Variants in SORCS1 observed in about 807,000 individuals in gnomAD.
SORCS1 encodes the protein sortilin related VPS10 domain containing receptor 1, also known as VPS10 domain-containing receptor SorCS1.
In SORCS1, 60 loss-of-function variants were observed where a neutral mutation model predicts 146.1. The observed-to-expected ratio is 0.41, with a 90% CI of 0.33 to 0.51. The LOEUF is 0.51. Among genes scored for constraint, SORCS1 ranks in the 20% least tolerant of loss-of-function variants. SORCS1 has a pLI of 0.21. For missense variants in SORCS1, 1,352 were observed against 1,487.6 expected, an observed-to-expected ratio of 0.91 and a Z score of 1.50; for synonymous variants, 637 against 584.0, an observed-to-expected ratio of 1.09 and a Z score of -1.31.
At chr10:107,032,979 G>T (rs531973218) in intron 1 of SORCS1, among the ~76,000 whole-genome samples, 1 of 152,082 alleles carries the variant, frequency 6.6e-6, no homozygotes, top group Middle Eastern at 3.4e-3. Context: ...TTTAAAGGAC[G>T]GCATATGTAT....
chr10:106,612,139 C>T, intron 21 of SORCS1, 116 bp from the exon 22 acceptor site: 1 of 718,970 alleles, frequency 1.4e-6, no homozygotes, highest in South Asian at 2.0e-5. Flanking sequence ...ACCATAGGGA[C>T]CTTTTTAGAA....
At chr10:106,774,337 C>A (rs191878569) in intron 4 of SORCS1, among the ~76,000 whole-genome samples, 28 of 152,170 alleles carry the variant, frequency 1.8e-4, no homozygotes, top group Non-Finnish European at 3.4e-4. Context: ...ATGCAAATTT[C>A]TGAAGGCTCC....
Position 106,968,045 on chromosome 10 carries a change from A to G in SORCS1, c.559-11465T>C, listed in dbSNP as rs1589814544. Reference sequence around the variant, plus strand: ...CGGTGAAACCCCGTCTCTACTAAAGAAAAAAAAAAAAAAAGTTAGCTGGGC... The same window carrying G: ...CGGTGAAACCCCGTCTCTACTAAAGGAAAAAAAAAAAAAAGTTAGCTGGGC... On this transcript the variant is annotated intron_variant, in intron 1 of 25. Transcript: ENST00000263054. Among the ~76,000 whole-genome samples, 3 of 122,856 alleles carry G rather than the reference A, an allele frequency of 2.4e-5. No homozygotes were observed. In the South Asian group the frequency reaches 6.8e-4, roughly 28 times the overall value. 80.6% of individuals were successfully genotyped at this position (122,856 alleles called of 152,430 possible). A position where few individuals can be genotyped will look rare whatever the true frequency, so the allele number is the denominator to read the frequency against.
At chr10:106,667,562 C>T (rs1851257947) in intron 17 of SORCS1, 127 bp downstream of exon 17, 1 of 616,728 alleles carries the variant, frequency 1.6e-6, no homozygotes, top group Non-Finnish European at 2.9e-6. Flanking sequence ...TTAAAATGAA[C>T]AAAAGCAATT....
At chr10:107,061,937 G>A (rs1234337894) in intron 1 of SORCS1, among the ~76,000 whole-genome samples, 1 of 152,108 alleles carries the variant, frequency 6.6e-6, no homozygotes, top group African/African-American at 2.4e-5. Flanking sequence ...CATATTGGTA[G>A]CTAACCTTTA....
intron 1 of SORCS1, among the ~76,000 whole-genome samples, chr10:106,979,549 G>T (rs902128403): frequency 6.6e-6 from 1 of 151,720 alleles, no homozygotes; most frequent in South Asian, 2.1e-4. Flanking sequence ...TGGAGTTTTT[G>T]CTTCTCTAAA....
At chr10:106,939,511 T>C (rs1359781216) in intron 2 of SORCS1, among the ~76,000 whole-genome samples, 1 of 152,192 alleles carries the variant, frequency 6.6e-6, no homozygotes, top group Admixed American at 6.5e-5. Context: ...CAGAAATAAA[T>C]ATACATTTCT....
chr10:107,106,062 AG>A (rs1965281616), intron 1 of SORCS1, among the ~76,000 whole-genome samples: 1 of 152,206 alleles, frequency 6.6e-6, no homozygotes, highest in South Asian at 2.1e-4. Context: ...GACCTCCCAG[AG>A]CTGATCAAAG....
intron 2 of SORCS1, among the ~76,000 whole-genome samples, chr10:106,934,495 G>A (rs564200732): frequency 3.7e-4 from 57 of 152,070 alleles, no homozygotes; most frequent in African/African-American, 1.1e-3. Flanking sequence ...TCCTGCCCTC[G>A]TGATCCACCC....
chr10:106,993,749 T>C (rs1956870153), intron 1 of SORCS1, among the ~76,000 whole-genome samples: 1 of 152,004 alleles, frequency 6.6e-6, no homozygotes, highest in Non-Finnish European at 1.5e-5. Context: ...TCCAAGGATG[T>C]AACATAAAGA....
At chr10:106,611,809 G>GTTTA in intron 22 of SORCS1, 102 bp downstream of exon 22, 1 of 573,686 alleles carries the variant, frequency 1.7e-6, no homozygotes, top group Non-Finnish European at 2.8e-6. Context: ...CTTCCTGCTG[G>GTTTA]GTTAGTTTGT....
At chr10:107,106,891 G>C (rs1965348638) in intron 1 of SORCS1, among the ~76,000 whole-genome samples, 1 of 152,158 alleles carries the variant, frequency 6.6e-6, no homozygotes, top group East Asian at 1.9e-4. Context: ...AGGATACAAA[G>C]AGAAAATGGC....
intron 22 of SORCS1, among the ~76,000 whole-genome samples, chr10:106,607,700 TCCAAGGTGGTGACCATG>T (rs1304353837): frequency 6.6e-6 from 1 of 152,168 alleles, no homozygotes; most frequent in Non-Finnish European, 1.5e-5. Flanking sequence ...AGAGAGCATC[TCCAAGGTGGTGACCATG>T]CCAGTGAGAA....
intron 3 of SORCS1, among the ~76,000 whole-genome samples, chr10:106,817,156 C>T (rs1268886618): frequency 6.6e-6 from 1 of 152,210 alleles, no homozygotes; most frequent in Non-Finnish European, 1.5e-5. Context: ...TACATGCCTT[C>T]CTATAAGATC....
chr10:106,946,169 G>C (rs575426580), intron 2 of SORCS1, among the ~76,000 whole-genome samples: 2 of 152,138 alleles, frequency 1.3e-5, no homozygotes, highest in South Asian at 2.1e-4. Context: ...GTATGACATA[G>C]GCCTGGCTTT....
At chr10:106,721,673 G>A (rs1377704067) in intron 6 of SORCS1, among the ~76,000 whole-genome samples, 3 of 152,118 alleles carry the variant, frequency 2.0e-5, no homozygotes, top group Non-Finnish European at 4.4e-5. Context: ...ATTTCAGAAG[G>A]CAATCTGACA....
intron 1 of SORCS1, among the ~76,000 whole-genome samples, chr10:107,007,789 C>T (rs1246433460): frequency 1.3e-5 from 2 of 152,166 alleles, no homozygotes; most frequent in African/African-American, 4.8e-5. Flanking sequence ...CTCTAGGCCA[C>T]ATCCCATTGA....
rs906310044 is a variant in SORCS1 at position 106,821,549 on chromosome 10, T to C, written c.726+8025A>G. Among the ~76,000 whole-genome samples, 5 of 152,222 alleles carry C rather than the reference T, an allele frequency of 3.3e-5. No individual in the cohort carries two copies. In the East Asian group the frequency reaches 7.7e-4, roughly 23 times the overall value. On this transcript the variant is annotated intron_variant, in intron 3 of 25. Coordinates refer to ENST00000263054, the MANE Select transcript of SORCS1 (RefSeq NM_052918.5). ...TATGTAATGCATTAGATGCTTCTTA[T>C]ATGTGATAGACATAACACTTACAAA...
In SORCS1 at chr10:106,577,451, C is replaced by T. The variant is rs533166430; in HGVS notation, c.3476G>A (p.Arg1159Gln). 1.2e-5 allele frequency: 19 copies of T among 1,595,938 alleles called. No individual in the cohort carries two copies. Among genetic ancestry groups the T allele is most frequent in the African/African-American group, 4.0e-5 (3 of 74,258 alleles). The change falls in exon 26 of 26, where the codon CGG becomes CAG. Residue 1159 changes from arginine to glutamine, a missense_variant. Physicochemically the swap from Arg to Gln is conservative, Grantham distance 43. This residue lies in a region of SORCS1 where 214 missense variants were observed against 204.8 expected (regional missense o/e 1.05). Transcript: ENST00000263054. ...TGCATACTGTGCCCCAGCAGATCCC[C>T]GCTTTGGCGTTGAAGGCGGAGTGGC... ...RHATPPSTPK[R>Q]GSAGAQYAI
Sources: allele counts gnomAD v4.1 joint callset (sites outside exome capture counted in the v4.1 genomes callset), GRCh38; gene constraint gnomAD v4.1.1; regional missense constraint gnomAD v4.1.1; transcripts MANE v1.5; gene names NCBI Gene and HGNC (gene_info 2026-07-23, HGNC 2026-07-21).